KAZN: variants seen among roughly 807,000 people sequenced by gnomAD.
KAZN encodes kazrin, periplakin interacting protein.
KAZN carries 40 observed loss-of-function variants against 87.4 expected under a neutral mutation model. The ratio of observed to expected loss-of-function variants is 0.46; its 90% CI spans 0.36 to 0.60. KAZN has a LOEUF of 0.60. KAZN is among the 20% of genes least tolerant of loss of function. The pLI is 0.00. For missense variants in KAZN, 898 were observed against 1,073.9 expected, an observed-to-expected ratio of 0.84 and a Z score of 2.29; for synonymous variants, 466 against 458.3, an observed-to-expected ratio of 1.02 and a Z score of -0.22.
chr1:14,442,216 T>C (rs1255160376), intron 2 of KAZN, among the ~76,000 whole-genome samples: 2 of 152,254 alleles, frequency 1.3e-5, no homozygotes, highest in African/African-American at 4.8e-5. Flanking sequence ...CAAGGTGTTA[T>C]ACAAAGAGAA....
intron 1 of KAZN, among the ~76,000 whole-genome samples, chr1:14,736,264 T>G (rs796463120): frequency 1.5e-4 from 17 of 110,242 alleles, no homozygotes; most frequent in Admixed American, 8.4e-4. Context: ...GGTGTGTGTG[T>G]GTGTGTGTGT....
intron 2 of KAZN, among the ~76,000 whole-genome samples, chr1:14,522,291 A>G (rs1170723275): frequency 2.6e-5 from 4 of 152,152 alleles, no homozygotes; most frequent in African/African-American, 9.7e-5. Context: ...TCTGCCTCCC[A>G]TCTTCAGAGG....
chr1:14,015,697 G>T (rs1479378926), intron 1 of KAZN, among the ~76,000 whole-genome samples: 1 of 149,384 alleles, frequency 6.7e-6, no homozygotes, highest in African/African-American at 2.5e-5. Context: ...GATCATCTGA[G>T]GTCAGGAGTT....
At chr1:14,782,591 A>G (rs1645390952) in intron 1 of KAZN, among the ~76,000 whole-genome samples, 1 of 151,686 alleles carries the variant, frequency 6.6e-6, no homozygotes, top group Non-Finnish European at 1.5e-5. Context: ...AAAGAAAAAG[A>G]AATGCACCTC....
chr1:14,409,792 C>A (rs1664156015), intron 2 of KAZN, among the ~76,000 whole-genome samples: 1 of 152,110 alleles, frequency 6.6e-6, no homozygotes, highest in Non-Finnish European at 1.5e-5. Context: ...TTCAAAAACT[C>A]CCAATAAAAG....
chr1:14,409,430 C>CTCA (rs1454086362), intron 2 of KAZN, among the ~76,000 whole-genome samples: 1 of 152,306 alleles, frequency 6.6e-6, no homozygotes, highest in African/African-American at 2.4e-5. Flanking sequence ...AACAAGAGCG[C>CTCA]TTGAGTTCCT....
At chr1:14,393,923 G>A (rs1219209410) in intron 2 of KAZN, among the ~76,000 whole-genome samples, 1 of 149,352 alleles carries the variant, frequency 6.7e-6, no homozygotes, top group Non-Finnish European at 1.5e-5. Context: ...TTTTTTTAAT[G>A]TAGTTGGAAA....
chr1:14,698,752 C>G (rs559553115), intron 1 of KAZN, among the ~76,000 whole-genome samples: 38 of 152,328 alleles, frequency 2.5e-4, no homozygotes, highest in Admixed American at 2.2e-3. Context: ...CTCCCAGAAC[C>G]CTGAATGGAT....
intron 2 of KAZN, among the ~76,000 whole-genome samples, chr1:14,998,453 C>T (rs1668129398): frequency 1.3e-5 from 2 of 152,190 alleles, no homozygotes; most frequent in South Asian, 4.1e-4. Context: ...CTGGGTGCAG[C>T]ACTGTTGCAG....
chr1:15,045,315 C>T (rs572897376), intron 4 of KAZN, among the ~76,000 whole-genome samples: 69 of 152,234 alleles, frequency 4.5e-4, no homozygotes, highest in African/African-American at 9.4e-4. Context: ...GATCTGGGTT[C>T]GAATCCAGCC....
intron 1 of KAZN, among the ~76,000 whole-genome samples, chr1:14,636,179 A>G (rs560322538): frequency 2.6e-5 from 4 of 152,088 alleles, no homozygotes; most frequent in Non-Finnish European, 5.9e-5. Context: ...TGCTTATGAG[A>G]TGGGGTGATT....
intron 2 of KAZN, among the ~76,000 whole-genome samples, chr1:14,200,984 A>G (rs765908125): frequency 6.6e-6 from 1 of 152,020 alleles, no homozygotes; most frequent in Non-Finnish European, 1.5e-5. Context: ...AGCGTTCCCA[A>G]CACACCTGTG....
intron 1 of KAZN, among the ~76,000 whole-genome samples, chr1:14,134,652 T>A (rs1645065179): frequency 6.6e-6 from 1 of 152,138 alleles, no homozygotes; most frequent in South Asian, 2.1e-4. Context: ...TGCACAGTCA[T>A]GAATTTGTTT....
At chr1:14,420,542 G>A (rs796270477) in intron 2 of KAZN, among the ~76,000 whole-genome samples, 6 of 152,298 alleles carry the variant, frequency 3.9e-5, no homozygotes, top group East Asian at 1.9e-4. Context: ...ACCAGGTGCC[G>A]CGGAGCAAGG....
intron 1 of KAZN, among the ~76,000 whole-genome samples, chr1:14,950,372 A>C (rs1662336567): frequency 6.6e-6 from 1 of 152,026 alleles, no homozygotes; most frequent in South Asian, 2.1e-4. Flanking sequence ...GTGGTTCAAG[A>C]AGATGGGGCT....
intron 1 of KAZN, among the ~76,000 whole-genome samples, chr1:13,987,680 AAG>A (rs70987710): frequency 7.9e-5 from 12 of 151,276 alleles, no homozygotes; most frequent in Non-Finnish European, 1.2e-4. Flanking sequence ...GAGGGAGAGA[AAG>A]AGAGAGAGAG....
intron 2 of KAZN, among the ~76,000 whole-genome samples, chr1:14,508,004 A>C (rs1388052217): frequency 2.0e-5 from 3 of 151,392 alleles, no homozygotes; most frequent in Non-Finnish European, 4.4e-5. Flanking sequence ...GTGACGTTGC[A>C]GTACTTGGAG....
At chr1:14,617,618 G>C in intron 1 of KAZN, among the ~76,000 whole-genome samples, 1 of 152,282 alleles carries the variant, frequency 6.6e-6, no homozygotes, top group South Asian at 2.1e-4. Context: ...CGTGAATCCC[G>C]GTGATAAGTG....
chr1:14,846,905 C>T (rs955460827), intron 1 of KAZN, among the ~76,000 whole-genome samples: 11 of 152,150 alleles, frequency 7.2e-5, no homozygotes, highest in East Asian at 1.9e-4. Flanking sequence ...CAGACCCACA[C>T]GTGAACCCGG....
Sources: gnomAD v4.1 joint callset for allele counts (sites outside exome capture counted in the v4.1 genomes callset) on GRCh38, gnomAD v4.1.1 for gene constraint, MANE v1.5 for transcripts, NCBI Gene and HGNC (gene_info 2026-07-23, HGNC 2026-07-21) for gene names.